Variants in RASSF9 observed in about 807,000 individuals in gnomAD.
RASSF9 encodes Ras association domain family member 9.
In RASSF9, 18 loss-of-function variants were observed where a neutral mutation model predicts 21.4. That is an observed-to-expected ratio of 0.84 (90% CI 0.58 to 1.25). The LOEUF is 1.25. Ranked by LOEUF, RASSF9 falls within the 50% of genes most tolerant of loss-of-function variation. The probability of loss-of-function intolerance (pLI) is 0.00; values close to 1 mark genes in which losing one functional copy is unlikely to be tolerated. For missense variants in RASSF9, 480 were observed against 503.2 expected (o/e 0.95, Z 0.44); for synonymous variants, 183 against 179.1 (o/e 1.02, Z -0.18).
chr12:85,810,012 C>T (rs1432436755), intron 1 of RASSF9, among the ~76,000 whole-genome samples: 1 of 151,744 alleles, frequency 6.6e-6, no homozygotes, highest in Non-Finnish European at 1.5e-5. Flanking sequence ...CTCAATATTT[C>T]GGGGAAATTT....
intron 1 of RASSF9, among the ~76,000 whole-genome samples, chr12:85,817,767 G>T (rs1208529419): frequency 2.0e-5 from 3 of 151,864 alleles, no homozygotes; most frequent in Non-Finnish European, 4.4e-5. Flanking sequence ...TAGCTGGAAA[G>T]AAAAAAGTAC....
chr12:85,830,752 T>C (rs894911401), intron 1 of RASSF9, among the ~76,000 whole-genome samples: 6 of 152,120 alleles, frequency 3.9e-5, no homozygotes, highest in Admixed American at 3.3e-4. Flanking sequence ...TCTACTCCAC[T>C]TGCATAAATA....
intron 1 of RASSF9, among the ~76,000 whole-genome samples, chr12:85,817,283 A>G (rs917646039): frequency 5.9e-5 from 9 of 152,092 alleles, no homozygotes; most frequent in Admixed American, 2.0e-4. Flanking sequence ...GTCAAATACA[A>G]TGTCACAGCC....
At chr12:85,811,265 G>T (rs1184897335) in intron 1 of RASSF9, among the ~76,000 whole-genome samples, 1 of 151,670 alleles carries the variant, frequency 6.6e-6, no homozygotes, top group Non-Finnish European at 1.5e-5. Flanking sequence ...TCTGACTCTG[G>T]AATACTAGAG....
intron 1 of RASSF9, among the ~76,000 whole-genome samples, chr12:85,821,026 C>A (rs1397041276): frequency 2.0e-5 from 3 of 152,068 alleles, no homozygotes; most frequent in Non-Finnish European, 2.9e-5. Context: ...GGCCTATAGT[C>A]CCAGCTACTT....
chr12:85,824,640 T>C (rs376086363), intron 1 of RASSF9, among the ~76,000 whole-genome samples: 38 of 152,320 alleles, frequency 2.5e-4, no homozygotes, highest in African/African-American at 7.5e-4. Context: ...ATCTCTTGTC[T>C]GCTCCTAGGG....
intron 1 of RASSF9, among the ~76,000 whole-genome samples, chr12:85,811,434 TTTAAA>T (rs1273397219): frequency 1.3e-5 from 2 of 151,834 alleles, no homozygotes; most frequent in East Asian, 3.9e-4. Flanking sequence ...TGTAGGTTAG[TTTAAA>T]TTAACTGGTT....
intron 1 of RASSF9, among the ~76,000 whole-genome samples, chr12:85,814,036 A>G (rs1231196727): frequency 6.6e-6 from 1 of 152,012 alleles, no homozygotes; most frequent in Non-Finnish European, 1.5e-5. Context: ...CGTGCTTGAA[A>G]ATCAGAGTCT....
chr12:85,834,873 T>C (rs1880525269), intron 1 of RASSF9, among the ~76,000 whole-genome samples: 1 of 152,168 alleles, frequency 6.6e-6, no homozygotes, highest in South Asian at 2.1e-4. Context: ...AAATTTTAAA[T>C]ACTCAAACCA....
intron 1 of RASSF9, among the ~76,000 whole-genome samples, chr12:85,829,716 C>G (rs1041842803): frequency 3.8e-4 from 58 of 152,124 alleles, no homozygotes; most frequent in African/African-American, 1.3e-3. Flanking sequence ...TTTTCCTTTA[C>G]CTCCATTTAC....
At position 85,805,258 on chromosome 12, in the gene RASSF9, T is replaced by C. The variant is rs761702151; in HGVS notation, c.752A>G (p.Tyr251Cys). The C allele has an allele frequency of 6.2e-7, 1 of 1,613,716 alleles. No homozygotes were observed. Among genetic ancestry groups the C allele is most frequent in the South Asian group, 1.1e-5 (1 of 91,084 alleles). ...SEVEQNLDLQ[Y>C]EENQTLEDLS... Reference sequence around the variant, plus strand: ...GTCCTCCAGAGTCTGGTTTTCCTCATACTGCAAGTCTAGATTTTGCTCAAC... The same window carrying C: ...GTCCTCCAGAGTCTGGTTTTCCTCACACTGCAAGTCTAGATTTTGCTCAAC... Residue 251 changes from tyrosine (Y) to cysteine (C), a missense_variant, in exon 2 of 2, where the codon TAT (tyrosine) becomes TGT (cysteine). Transcript: ENST00000361228.
intron 1 of RASSF9, among the ~76,000 whole-genome samples, chr12:85,816,779 G>GA (rs1174032822): frequency 6.6e-6 from 1 of 152,076 alleles, no homozygotes; most frequent in Non-Finnish European, 1.5e-5. Context: ...AACTTTTTAT[G>GA]AAAAATATAA....
chr12:85,814,973 A>G (rs1353165679), intron 1 of RASSF9, among the ~76,000 whole-genome samples: 1 of 152,086 alleles, frequency 6.6e-6, no homozygotes, highest in Non-Finnish European at 1.5e-5. Flanking sequence ...AGTCAGCACA[A>G]TAGGTTATTG....
intron 1 of RASSF9, among the ~76,000 whole-genome samples, chr12:85,817,079 T>C (rs61930068): frequency 0.15 from 22,409 of 152,148 alleles, 1,819 homozygotes; most frequent in Middle Eastern, 0.19. Context: ...TAGAAATTCA[T>C]ACTGCTTTGA....
chr12:85,807,817 G>A (rs1219351357), intron 1 of RASSF9, among the ~76,000 whole-genome samples: 1 of 152,030 alleles, frequency 6.6e-6, no homozygotes, highest in Non-Finnish European at 1.5e-5. Context: ...CATACCTATT[G>A]GAACATTTTT....
At chr12:85,828,252 A>T (rs182463709) in intron 1 of RASSF9, among the ~76,000 whole-genome samples, 30 of 152,240 alleles carry the variant, frequency 2.0e-4, no homozygotes, top group Middle Eastern at 3.4e-3. Flanking sequence ...AACATCATGT[A>T]TATTTTTTTC....
intron 1 of RASSF9, among the ~76,000 whole-genome samples, chr12:85,826,315 G>A (rs543362751): frequency 3.5e-4 from 53 of 152,022 alleles, no homozygotes; most frequent in Non-Finnish European, 5.7e-4. Flanking sequence ...TTGGCCCCAT[G>A]CACTGAATTT....
In RASSF9 at chr12:85,804,396, T is replaced by G. The variant is rs1032749795; in HGVS notation, c.*306A>C. ...TATTGAGGATTGCTTTTAAAGTTTA[T>G]GTAAATCGTTTTCCACAGACGCTAA... On this transcript the variant is annotated 3_prime_UTR_variant, in exon 2 of 2. Transcript: ENST00000361228. The G allele has an allele frequency of 3.9e-6, 1 of 256,572 alleles. No homozygotes were observed. Among genetic ancestry groups the G allele is most frequent in the African/African-American group, 2.2e-5 (1 of 44,946 alleles). The allele number at this position is 256,572 out of a possible 1,614,324, so 15.9% of individuals were successfully genotyped here. A position where few individuals can be genotyped will look rare whatever the true frequency, so the allele number is the denominator to read the frequency against.
At chr12:85,811,717 T>C (rs1332689092) in intron 1 of RASSF9, among the ~76,000 whole-genome samples, 1 of 151,828 alleles carries the variant, frequency 6.6e-6, no homozygotes, top group East Asian at 1.9e-4. Context: ...TAATAGCTTA[T>C]TATCCATGAA....
Sources: allele counts gnomAD v4.1 joint callset (sites outside exome capture counted in the v4.1 genomes callset), GRCh38; gene constraint gnomAD v4.1.1; transcripts MANE v1.5; gene names NCBI Gene and HGNC (gene_info 2026-07-23, HGNC 2026-07-21).